The following ESPL1 variants were observed in gnomAD, a reference collection of about 807,000 sequenced individuals.
ESPL1 encodes the protein extra spindle pole bodies like 1, separase.
A neutral mutation model predicts 217.2 loss-of-function variants in ESPL1; 50 were observed. The ratio of observed to expected loss-of-function variants is 0.23; its 90% CI spans 0.18 to 0.29. The LOEUF (loss-of-function observed/expected upper bound fraction) is 0.29. Ranked by LOEUF, ESPL1 falls within the 10% of genes least tolerant of loss-of-function variation. The pLI, the probability that ESPL1 is intolerant of heterozygous loss-of-function variation, is 1.00. For missense variants in ESPL1, 1,834 were observed against 2,603.0 expected (o/e 0.70, Z 6.43); for synonymous variants, 994 against 1,081.3 (o/e 0.92, Z 1.58).
In ESPL1 at chr12:53,282,572, G is replaced by A. The variant is rs1943881756; in HGVS notation, c.2791+137G>A. 1.4e-6 allele frequency: 1 copy of A among 729,400 alleles called. No homozygotes were observed. The highest frequency in any genetic ancestry group is 2.3e-6 in the Non-Finnish European group (1 of 442,434). 45.2% of individuals were successfully genotyped at this position (729,400 alleles called of 1,614,324 possible). On this transcript the variant is annotated intron_variant, in intron 14 of 30. Transcript: ENST00000257934. This position sits in a 1 kb window ranked among gnomAD's most constrained non-coding sequence, Gnocchi z 4.0. Reference sequence around the variant, plus strand: ...TAGAACCTGCACAGAGTAGGCCTGGGATAGCAGATGGGTTTCAGTTTGCCT... The same window carrying A: ...TAGAACCTGCACAGAGTAGGCCTGGAATAGCAGATGGGTTTCAGTTTGCCT...
At chr12:53,275,091 T>G (rs1031211087) in intron 7 of ESPL1, 81 bp downstream of exon 7, 1 of 1,188,086 alleles carries the variant, frequency 8.4e-7, no homozygotes, top group Non-Finnish European at 1.1e-6. Flanking sequence ...TCACTTGAGG[T>G]CAGGAGTTTG....
chr12:53,289,383 C>T, intron 21 of ESPL1, 21 bp from the exon 22 acceptor site: 2 of 1,611,440 alleles, frequency 1.2e-6, no homozygotes, highest in South Asian at 1.1e-5. Flanking sequence ...GGGACCTCAC[C>T]CCTCCCCGTG....
Position 53,276,689 on chromosome 12 carries a change from G to A in ESPL1, c.1770G>A (p.Gln590=), listed in dbSNP as rs765713040. 6.2e-7 allele frequency: 1 copy of A among 1,613,398 alleles called. No homozygotes were observed. The highest frequency in any genetic ancestry group is 1.1e-5 in the South Asian group (1 of 91,084). Residue 590 remains glutamine (Q), a synonymous_variant, in exon 8 of 31, where the codon CAG becomes CAA. Transcript: ENST00000257934. The part of the protein sequence containing the change: ...TLALLLREEL[Q]AYKAVRADTG... Reference sequence around the variant, plus strand: ...CCCTCCTGCTGAGGGAGGAGCTGCAGGCCTACAAGGCGGTGCGGGCCGACA... The same window carrying A: ...CCCTCCTGCTGAGGGAGGAGCTGCAAGCCTACAAGGCGGTGCGGGCCGACA...
chr12:53,280,083 C>T (rs181298844), intron 12 of ESPL1, among the ~76,000 whole-genome samples: 340 of 152,344 alleles, frequency 2.2e-3, no homozygotes, highest in Non-Finnish European at 4.0e-3. Flanking sequence ...AGTTTACAGA[C>T]TGCTGCAGGA....
intron 6 of ESPL1, among the ~76,000 whole-genome samples, chr12:53,273,894 C>T (rs1480331006): frequency 2.8e-5 from 3 of 108,216 alleles, no homozygotes; most frequent in Non-Finnish European, 3.6e-5. Context: ...CTTGCTTTGT[C>T]ACCCAGGCTG....
chr12:53,276,979 G>A, intron 8 of ESPL1, 104 bp from the exon 9 acceptor site: 1 of 1,554,290 alleles, frequency 6.4e-7, no homozygotes, highest in Admixed American at 1.8e-5. Context: ...GGCCATGGGA[G>A]CACATGCAAA....
chr12:53,278,710 G>A (rs899088567), intron 11 of ESPL1, among the ~76,000 whole-genome samples: 4 of 148,646 alleles, frequency 2.7e-5, no homozygotes, highest in Non-Finnish European at 5.9e-5. Context: ...TCCTGCCTCA[G>A]CCTCCTGAGT....
chr12:53,276,815 G>A lies in ESPL1; in HGVS notation c.1896G>A (p.Leu632=), dbSNP rs1943773687. 2.5e-6 allele frequency: 4 copies of A among 1,613,944 alleles called. No individual in the cohort carries two copies. Among genetic ancestry groups the A allele is most frequent in the Middle Eastern group, 1.6e-4 (1 of 6,062 alleles). Residue 632 remains leucine (L), a synonymous_variant, in exon 8 of 31, where the codon CTG becomes CTA. Coordinates refer to ENST00000257934, the MANE Select transcript of ESPL1 (RefSeq NM_012291.5). Reference sequence around the variant, plus strand: ...CACGAGCCACCCACCTGGTAGAACTGGCTCAGGTGCTCTGCTACCACGACT... The same window carrying A: ...CACGAGCCACCCACCTGGTAGAACTAGCTCAGGTGCTCTGCTACCACGACT... ...AWARATHLVE[L]AQVLCYHDFT...
intron 1 of ESPL1, 30 bp from the exon 2 acceptor site, chr12:53,268,725 A>G (rs1374244032): frequency 1.5e-6 from 2 of 1,373,498 alleles, no homozygotes; most frequent in African/African-American, 1.4e-5. Context: ...TTCATTAACA[A>G]TCTTCTCTAA....
rs752518788 is a variant in ESPL1, at chr12:53,277,454, C to T, written c.2086-16C>T. 3.9e-5 allele frequency: 63 copies of T among 1,611,856 alleles called. No individual in the cohort carries two copies. The highest frequency in any genetic ancestry group is 6.6e-5 in the South Asian group (6 of 90,746). On this transcript the variant is annotated splice_polypyrimidine_tract_variant and intron_variant, in intron 9 of 30. Transcript: ENST00000257934. ...CACCACTGTGCCCTGTTTTATACCC[C>T]GATCTTCCCATCCAGGGTATCGAGC...
intron 25 of ESPL1, among the ~76,000 whole-genome samples, chr12:53,291,296 C>CA (rs1297902095): frequency 0.023 from 2,333 of 101,724 alleles, 48 homozygotes; most frequent in African/African-American, 0.053. Flanking sequence ...GACTCCATCT[C>CA]AAAAAAAAAA....
At chr12:53,274,736 A>T (rs1943735201) in intron 6 of ESPL1, 81 bp from the exon 7 acceptor site, 3 of 1,173,408 alleles carry the variant, frequency 2.6e-6, no homozygotes, top group Non-Finnish European at 3.8e-6. Context: ...TGGTGTATGT[A>T]CCTATTGCAT....
intron 6 of ESPL1, 60 bp from the exon 7 acceptor site, chr12:53,274,757 T>A: frequency 7.1e-7 from 1 of 1,415,404 alleles, no homozygotes; most frequent in Non-Finnish European, 9.9e-7. Flanking sequence ...GCATATCCCC[T>A]TCCACCATAC....
chr12:53,291,895 G>A, intron 26 of ESPL1, 35 bp downstream of exon 26: 1 of 1,593,864 alleles, frequency 6.3e-7, no homozygotes, highest in Non-Finnish European at 8.6e-7. Context: ...GTGTCTAGTG[G>A]GGAGTGAATA....
chr12:53,284,320 TCA>T (rs1355791260), intron 17 of ESPL1, among the ~76,000 whole-genome samples, 153 bp downstream of exon 17: 1 of 152,172 alleles, frequency 6.6e-6, no homozygotes, highest in Non-Finnish European at 1.5e-5. Flanking sequence ...TGATCTTGGC[TCA>T]CTGCAACCCC....
rs765372747 is a variant in ESPL1 at position 53,288,216 on chromosome 12, C to T, written c.4421C>T (p.Ala1474Val). The T allele has an allele frequency of 1.9e-6, 3 of 1,610,750 alleles. No homozygotes were observed. In the Admixed American group the frequency reaches 5.1e-5, roughly 27 times the overall value. The change falls in exon 19 of 31, where the codon GCC becomes GTC. Residue 1474 changes from alanine (A) to valine (V), a missense_variant. Ala to Val is a moderately conservative substitution (Grantham distance 64). Coordinates refer to ENST00000257934, the MANE Select transcript of ESPL1 (RefSeq NM_012291.5). ...RHCEERRPQR[A>V]SDQARPGPEI... ...TGTGAGGAGCGGCGTCCCCAGAGGG[C>T]CAGTGACCAGGCCAGGCCTGGCCCT...
intron 17 of ESPL1, among the ~76,000 whole-genome samples, chr12:53,285,687 C>T (rs539894351): frequency 1.1e-4 from 16 of 147,720 alleles, no homozygotes; most frequent in Admixed American, 2.0e-4. Flanking sequence ...CCAGCCTGGG[C>T]GACAGAGAGA....
Position 53,291,884 on chromosome 12 carries a change from A to C in ESPL1, c.5691+24A>C, listed in dbSNP as rs1944066517. On this transcript the variant is annotated intron_variant, in intron 26 of 30. Coordinates refer to ENST00000257934, the MANE Select transcript of ESPL1 (RefSeq NM_012291.5). ...AGGTAAGGAGCTGGGGCAGAGGGGC[A>C]GTGTCTAGTGGGGAGTGAATACCAA... 3.8e-6 allele frequency: 6 copies of C among 1,586,758 alleles called. No individual in the cohort carries two copies. The East Asian group carries it at 1.3e-4, about 36-fold the overall frequency.
intron 17 of ESPL1, among the ~76,000 whole-genome samples, chr12:53,284,647 G>C (rs1359165044): frequency 6.6e-6 from 1 of 152,118 alleles, no homozygotes; most frequent in East Asian, 1.9e-4. Context: ...CTTTCAGAGA[G>C]CCTGTCCCAG....
Sources: allele counts gnomAD v4.1 joint callset (sites outside exome capture counted in the v4.1 genomes callset), GRCh38; gene constraint gnomAD v4.1.1; non-coding constraint Gnocchi (gnomAD v3.1); transcripts MANE v1.5; gene names NCBI Gene and HGNC (gene_info 2026-07-23, HGNC 2026-07-21).